NOM1: variants seen among roughly 807,000 people sequenced by gnomAD.
NOM1 encodes nucleolar protein with MIF4G domain 1.
A neutral mutation model predicts 73.3 loss-of-function variants in NOM1; 58 were observed. The ratio of observed to expected loss-of-function variants is 0.79; its 90% CI spans 0.64 to 0.99. The LOEUF is 0.99. NOM1 is among the 50% of genes least tolerant of loss of function. The pLI is 0.00. For synonymous variants in NOM1, 487 were observed against 446.8 expected, an observed-to-expected ratio of 1.09 and a Z score of -1.14; for missense variants, 1,226 against 1,131.9, an observed-to-expected ratio of 1.08 and a Z score of -1.19.
chr7:156,964,842 G>A (rs751579379), intron 7 of NOM1, among the ~76,000 whole-genome samples: 6 of 152,026 alleles, frequency 3.9e-5, no homozygotes, highest in African/African-American at 1.5e-4. Context: ...AGTCACCCTT[G>A]GTCTCTAAAA....
intron 3 of NOM1, among the ~76,000 whole-genome samples, chr7:156,957,534 G>T (rs1804752135): frequency 6.6e-6 from 1 of 152,154 alleles, no homozygotes; most frequent in Non-Finnish European, 1.5e-5. Flanking sequence ...CTAGCACTTT[G>T]GGAGGCCGAG....
Position 156,954,275 on chromosome 7 carries a change from C to T in NOM1, c.1285C>T (p.Leu429Phe). The T allele has an allele frequency of 6.3e-7, 1 of 1,598,986 alleles. No individual in the cohort carries two copies. The highest frequency in any genetic ancestry group is 8.5e-7 in the Non-Finnish European group (1 of 1,173,342). ...MMEHVLLVSI[L>F]HHTVGIEVGA... is the part of the protein sequence containing the mutation. Reference sequence around the variant, plus strand: ...GGAGCATGTTCTCTTAGTCAGCATCCTTCACCACACAGTTGGAATCGAGGT... The same window carrying T: ...GGAGCATGTTCTCTTAGTCAGCATCTTTCACCACACAGTTGGAATCGAGGT... Residue 429 changes from leucine to phenylalanine, a missense_variant, in exon 3 of 11, where the codon CTT becomes TTT. Leu to Phe is a conservative substitution (Grantham distance 22). Transcript: ENST00000275820.
At chr7:156,952,625 G>A (rs1187905029) in intron 2 of NOM1, 27 bp downstream of exon 2, 1 of 1,597,694 alleles carries the variant, frequency 6.3e-7, no homozygotes. Flanking sequence ...GTTACACTGT[G>A]TCACTTAGAG....
rs1445801175 is a variant in NOM1, at chr7:156,963,182, A to C, written c.1911+7A>C. On this transcript the variant is annotated splice_region_variant and intron_variant, in intron 6 of 10. Coordinates refer to ENST00000275820, the MANE Select transcript of NOM1 (RefSeq NM_138400.2). ...GAAGCAGCTTGTGGGGACGGTAGGG[A>C]CACCCATGCTCAAGGCTGCCAGGCA... 6.2e-7 allele frequency: 1 copy of C among 1,613,946 alleles called. No homozygotes were observed. The highest frequency in any genetic ancestry group is 1.1e-5 in the South Asian group (1 of 91,084).
At chr7:156,963,370 T>G (rs1804916163) in intron 6 of NOM1, 195 bp downstream of exon 6, 3 of 642,254 alleles carry the variant, frequency 4.7e-6, no homozygotes, top group Non-Finnish European at 8.1e-6. Flanking sequence ...TTGTATCTTT[T>G]TATTGGACTT....
rs1805095140 is a variant in NOM1 at position 156,969,654 on chromosome 7, C to A, written c.2534C>A (p.Ala845Asp). 6.2e-7 allele frequency: 1 copy of A among 1,613,268 alleles called. No individual in the cohort carries two copies. The highest frequency in any genetic ancestry group is 8.5e-7 in the Non-Finnish European group (1 of 1,179,634). ...GAAGCCAACGTGCTGAGAGAGAAAG[C>A]TGACCTTGCAACGAAGTGTCTGCAA... ...ADEANVLREK[A>D]DLATKCLQGK... Residue 845 changes from alanine (A) to aspartate (D), a missense_variant, in exon 11 of 11, where the codon GCT becomes GAT. By Grantham distance (126) the Ala-to-Asp change is moderately radical. Transcript: ENST00000275820.
At position 156,962,222 on chromosome 7, in the gene NOM1, C is replaced by T. The variant is rs115466166; in HGVS notation, c.1704C>T (p.Pro568=). 320 of 1,614,096 alleles carry T rather than the reference C, an allele frequency of 2.0e-4. 1 individual carries two copies. In the African/African-American group the frequency reaches 3.7e-3, roughly 18 times the overall value. ...NDMRKIPGYD[P]EPVEKLRKLQ... The stretch of plus-strand genomic sequence containing the variant: ...TGCGCAAAATTCCAGGCTATGACCC[C>T]GAGCCCGTGGAGAAGCTGAGGAAAC... The change falls in exon 5 of 11, where the codon CCC becomes CCT. Residue 568 remains proline, a synonymous_variant. Coordinates refer to ENST00000275820, the MANE Select transcript of NOM1 (RefSeq NM_138400.2).
chr7:156,949,880 C>T lies in NOM1; in HGVS notation c.143C>T (p.Ala48Val), dbSNP rs1371790074. ...GEKALKRLKL[A>V]VEEFVHATSE... ...AAGGCCCTGAAGAGGCTGAAGCTAGCGGTGGAGGAGTTCGTGCACGCGACT... is the reference window on the plus strand; with the variant it reads ...AAGGCCCTGAAGAGGCTGAAGCTAGTGGTGGAGGAGTTCGTGCACGCGACT... The change falls in exon 1 of 11, where the codon GCG (alanine) becomes GTG (valine). Residue 48 changes from alanine to valine, a missense_variant. Physicochemically the swap from Ala to Val is moderately conservative, Grantham distance 64. Transcript: ENST00000275820. The T allele has an allele frequency of 2.6e-6, 4 of 1,530,318 alleles. No individual in the cohort carries two copies. The African/African-American group carries it at 4.1e-5, about 16-fold the overall frequency. 94.8% of individuals were successfully genotyped at this position (1,530,318 alleles called of 1,614,324 possible). A position where few individuals can be genotyped will look rare whatever the true frequency, so the allele number is the denominator to read the frequency against.
intron 3 of NOM1, among the ~76,000 whole-genome samples, chr7:156,954,814 G>A (rs2134775595): frequency 6.6e-6 from 1 of 152,280 alleles, no homozygotes; most frequent in Admixed American, 6.5e-5. Flanking sequence ...GCCCTGTTCT[G>A]TCCAGCCTAG....
intron 3 of NOM1, 32 bp from the exon 4 acceptor site, chr7:156,959,819 A>G: frequency 6.3e-7 from 1 of 1,598,896 alleles, no homozygotes. Flanking sequence ...TTCTAGGAAT[A>G]ACATAATCTT....
chr7:156,964,609 AC>A (rs1353518093), intron 7 of NOM1, among the ~76,000 whole-genome samples: 1 of 152,164 alleles, frequency 6.6e-6, no homozygotes, highest in Non-Finnish European at 1.5e-5. Flanking sequence ...CTTTAAATGT[AC>A]CTGTGTAGTT....
intron 3 of NOM1, among the ~76,000 whole-genome samples, chr7:156,954,519 A>ATTTTTTTTTTTTTTTT (rs1804671935): frequency 9.3e-5 from 9 of 97,066 alleles, no homozygotes; most frequent in Admixed American, 1.3e-4. Context: ...TGTTCTGTCC[A>ATTTTTTTTTTTTTTTT]TTCTTTTTTT....
At chr7:156,965,180 T>G (rs556030656) in intron 7 of NOM1, among the ~76,000 whole-genome samples, 1 of 152,378 alleles carries the variant, frequency 6.6e-6, no homozygotes, top group African/African-American at 2.4e-5. Flanking sequence ...GCTCCTCTCC[T>G]GAGGTACAGA....
rs779972389 is a variant in NOM1 at position 156,969,560 on chromosome 7, C to T, written c.2440C>T (p.Arg814Cys). 1.9e-5 allele frequency: 30 copies of T among 1,613,694 alleles called. No individual in the cohort carries two copies. In the Admixed American group the frequency reaches 2.7e-4, roughly 14 times the overall value. The change falls in exon 11 of 11, where the codon CGT becomes TGT. Residue 814 changes from arginine (R) to cysteine (C), a missense_variant. Physicochemically the swap from Arg to Cys is radical, Grantham distance 180 (BLOSUM62 -3). Transcript: ENST00000275820. ...VSDNPKLGVL[R>C]EGLKLFISHF... ...TGACAACCCAAAGCTGGGGGTGTTACGTGAGGGTTTGAAGCTTTTCATCAG... is the reference window on the plus strand; with the variant it reads ...TGACAACCCAAAGCTGGGGGTGTTATGTGAGGGTTTGAAGCTTTTCATCAG...
intron 7 of NOM1, among the ~76,000 whole-genome samples, chr7:156,965,534 G>A (rs1313366367): frequency 1.3e-5 from 2 of 152,200 alleles, no homozygotes; most frequent in East Asian, 1.9e-4. Flanking sequence ...CGGCATTGCC[G>A]GTGGTGACCT....
intron 7 of NOM1, among the ~76,000 whole-genome samples, chr7:156,965,627 C>G (rs1400617244): frequency 6.6e-6 from 1 of 152,190 alleles, no homozygotes; most frequent in East Asian, 1.9e-4. Context: ...TCAAGTTTTA[C>G]AAACGACGGC....
Position 156,959,940 on chromosome 7 carries a change from C to T in NOM1, c.1398C>T (p.Phe466=), listed in dbSNP as rs1312981854. 6 of 1,612,558 alleles carry T rather than the reference C, an allele frequency of 3.7e-6. No homozygotes were observed. The highest frequency in any genetic ancestry group is 1.3e-5 in the African/African-American group (1 of 74,460). The change falls in exon 4 of 11, where the codon TTC becomes TTT. Residue 466 remains phenylalanine, a synonymous_variant. Coordinates refer to ENST00000275820, the MANE Select transcript of NOM1 (RefSeq NM_138400.2). Reference sequence around the variant, plus strand: ...AAGGGAAAGAGTGTGACAACCTGTTCACCGTCATTGCCCATTTATACAACT... The same window carrying T: ...AAGGGAAAGAGTGTGACAACCTGTTTACCGTCATTGCCCATTTATACAACT... ...GSEGKECDNL[F]TVIAHLYNFH...
At chr7:156,967,549 C>A (rs201694548) in intron 9 of NOM1, among the ~76,000 whole-genome samples, 2 of 152,056 alleles carry the variant, frequency 1.3e-5, no homozygotes, top group East Asian at 1.9e-4. Flanking sequence ...TCTTCCCCCC[C>A]CAAGATGGGA....
intron 7 of NOM1, among the ~76,000 whole-genome samples, chr7:156,965,802 T>A (rs1021197947): frequency 2.0e-5 from 3 of 151,888 alleles, no homozygotes; most frequent in Non-Finnish European, 2.9e-5. Context: ...GTAATCCAGC[T>A]ACTCGGGAGG....
Sources: gnomAD v4.1 joint callset for allele counts (sites outside exome capture counted in the v4.1 genomes callset) on GRCh38, gnomAD v4.1.1 for gene constraint, MANE v1.5 for transcripts, NCBI Gene and HGNC (gene_info 2026-07-23, HGNC 2026-07-21) for gene names.